DHX8: variants seen among roughly 807,000 people sequenced by gnomAD.
DHX8 encodes the protein ATP-dependent RNA helicase DHX8.
In DHX8, 67 loss-of-function variants were observed where a neutral mutation model predicts 140.7. The ratio of observed to expected loss-of-function variants is 0.48; its 90% CI spans 0.39 to 0.58. DHX8 has a LOEUF of 0.58. Among genes scored for constraint, DHX8 ranks in the 20% least tolerant of loss-of-function variants. The pLI is 0.00. For missense variants in DHX8, 887 were observed against 1,550.7 expected, an observed-to-expected ratio of 0.57 and a Z score of 7.19; for synonymous variants, 533 against 553.2, an observed-to-expected ratio of 0.96 and a Z score of 0.51.
At chr17:43,537,234 C>T (rs554762390) in intron 3 of DHX8, among the ~76,000 whole-genome samples, 4 of 151,890 alleles carry the variant, frequency 2.6e-5, no homozygotes, top group Admixed American at 6.6e-5. Context: ...GTCGTGTTGG[C>T]GGGAGCCTAT....
chr17:43,490,607 T>G lies in DHX8; in HGVS notation c.307+144T>G, dbSNP rs564552499. The G allele has an allele frequency of 1.2e-5, 8 of 678,756 alleles. No homozygotes were observed. In the African/African-American group the frequency reaches 1.5e-4, roughly 12 times the overall value. 42.0% of individuals were successfully genotyped at this position (678,756 alleles called of 1,614,324 possible). On this transcript the variant is annotated intron_variant, in intron 3 of 22. Coordinates refer to ENST00000262415, the MANE Select transcript of DHX8 (RefSeq NM_004941.3). ...TTTCAAATGGGCTGGGCCTAGCGGC[T>G]CACTGCTGGAATCCCAGCACTTTGG...
At chr17:43,530,112 G>GC, downstream of DHX8, 1 of 1,588,640 alleles carries the variant, frequency 6.3e-7, no homozygotes, top group Non-Finnish European at 8.6e-7. Context: ...CTTACCCATG[G>GC]CCCCGTCACC....
At chr17:43,485,476 A>T (rs755782767) in intron 1 of DHX8, among the ~76,000 whole-genome samples, 3 of 152,190 alleles carry the variant, frequency 2.0e-5, no homozygotes, top group Non-Finnish European at 4.4e-5. Flanking sequence ...CCTCCCAGCC[A>T]AGATGTGTCT....
Position 43,493,726 on chromosome 17 carries a change from G to A in DHX8, c.1052G>A (p.Arg351Gln), listed in dbSNP as rs759864291. 1 of 1,614,160 alleles carries A rather than the reference G, an allele frequency of 6.2e-7. No individual in the cohort carries two copies. Among genetic ancestry groups the A allele is most frequent in the Non-Finnish European group, 8.5e-7 (1 of 1,180,026 alleles). The change falls in exon 8 of 23, where the codon CGG becomes CAG. Residue 351 changes from arginine to glutamine, a missense_variant. Arg to Gln is a conservative substitution (Grantham distance 43). Around this residue, in one of 9 missense-constraint regions of DHX8, gnomAD observed 98 missense variants for 152.7 expected, o/e 0.64. Coordinates refer to ENST00000262415, the MANE Select transcript of DHX8 (RefSeq NM_004941.3). ...ETGEDLNPNRRRNLVGETNEE... is the reference protein window; with the variant it reads ...ETGEDLNPNRQRNLVGETNEE... ...GGAGAAGATCTAAACCCAAATAGAC[G>A]GCGAAATCTTGTCGGGGAGACCAAT...
intron 17 of DHX8, 132 bp from the exon 18 acceptor site, chr17:43,517,035 C>G: frequency 1.1e-6 from 1 of 950,812 alleles, no homozygotes; most frequent in African/African-American, 1.7e-5. Flanking sequence ...GGAAATGGTC[C>G]CAAAGGAAGT....
intron 6 of DHX8, 86 bp from the exon 7 acceptor site, chr17:43,493,359 T>C (rs1968650941): frequency 3.3e-6 from 5 of 1,537,584 alleles, no homozygotes; most frequent in East Asian, 4.5e-5. Flanking sequence ...AAGACCATTT[T>C]CTTTTGTTAG....
chr17:43,542,871 C>A (rs1971591384), intron 3 of DHX8, among the ~76,000 whole-genome samples: 2 of 152,100 alleles, frequency 1.3e-5, no homozygotes, highest in Admixed American at 1.3e-4. Context: ...GGGCTCTGGT[C>A]CCCTTTCCTC....
At chr17:43,493,406 T>G in intron 6 of DHX8, 39 bp from the exon 7 acceptor site, 1 of 1,598,118 alleles carries the variant, frequency 6.3e-7, no homozygotes, top group African/African-American at 1.3e-5. Flanking sequence ...GGGAAAAATA[T>G]TTTTTGGCAT....
At chr17:43,536,321 G>T in intron 2 of DHX8, 1 of 1,010,568 alleles carries the variant, frequency 9.9e-7, no homozygotes, top group Non-Finnish European at 1.5e-6. Flanking sequence ...AAACCCCACT[G>T]TGTTTTAGGA....
At chr17:43,490,193 G>A (rs1357839092) in intron 2 of DHX8, among the ~76,000 whole-genome samples, 198 bp from the exon 3 acceptor site, 1 of 152,178 alleles carries the variant, frequency 6.6e-6, no homozygotes. Context: ...TCCCCAAAGA[G>A]TCCTAAATAT....
chr17:43,536,499 G>A lies in DHX8; in HGVS notation c.*20+1G>A, dbSNP rs1567712316. On this transcript the variant is annotated splice_donor_variant, in intron 3 of 3. Transcript: ENST00000589898. LOFTEE classifies it low-confidence loss of function (3UTR_SPLICE). ...CCTGAGCTGCAGAGAGAAGTCAGAG[G>A]TGAGTTTGGGGCGGAGCCCTGGTTG... 1 of 1,613,898 alleles carries A rather than the reference G, an allele frequency of 6.2e-7. No homozygotes were observed. The highest frequency in any genetic ancestry group is 1.1e-5 in the South Asian group (1 of 91,076).
chr17:43,485,462 C>T (rs1459058340), intron 1 of DHX8, among the ~76,000 whole-genome samples: 1 of 152,120 alleles, frequency 6.6e-6, no homozygotes, highest in Non-Finnish European at 1.5e-5. Flanking sequence ...ACTTTTTTCT[C>T]TTGCCTCCCA....
Position 43,524,633 on chromosome 17 carries a change from C to T in DHX8, c.*786C>T, listed in dbSNP as rs1970541201. The T allele has an allele frequency of 3.0e-6, 3 of 985,500 alleles. No individual in the cohort carries two copies. Among genetic ancestry groups the T allele is most frequent in the Non-Finnish European group, 3.6e-6 (3 of 829,978 alleles). 61.0% of individuals were successfully genotyped at this position (985,500 alleles called of 1,614,324 possible). On this transcript the variant is annotated 3_prime_UTR_variant, in exon 23 of 23. Coordinates refer to ENST00000262415, the MANE Select transcript of DHX8 (RefSeq NM_004941.3). ...GGCACATATTAAATACAGAAGGTTT[C>T]CCCTTGCTCCCTCCACCTCCCACAT... is the stretch of plus-strand genomic sequence containing the variant.
Position 43,496,220 on chromosome 17 carries a change from G to T in DHX8, c.1252G>T (p.Asp418Tyr). The T allele has an allele frequency of 6.2e-7, 1 of 1,614,022 alleles. No individual in the cohort carries two copies. The highest frequency in any genetic ancestry group is 8.5e-7 in the Non-Finnish European group (1 of 1,179,942). ...ANVLSKEEFPDFDEETGILPK... is the reference protein window; with the variant it reads ...ANVLSKEEFPYFDEETGILPK... ...TGTCCTTTCCAAAGAAGAATTTCCA[G>T]ACTTTGATGAAGAGACTGGCATTCT... The change falls in exon 9 of 23, where the codon GAC becomes TAC. Residue 418 changes from aspartate to tyrosine, a missense_variant. Asp to Tyr is a radical substitution (Grantham distance 160). Transcript: ENST00000262415.
At chr17:43,526,732 C>T, downstream of DHX8, 1 of 1,397,624 alleles carries the variant, frequency 7.2e-7, no homozygotes, top group African/African-American at 1.4e-5. Context: ...GATTTTTACA[C>T]CTTCTTCCCA....
chr17:43,530,367 C>CT, downstream of DHX8: 1 of 1,452,104 alleles, frequency 6.9e-7, no homozygotes, highest in Non-Finnish European at 9.1e-7. Flanking sequence ...GAGTGTGATG[C>CT]TGGAACCCCT....
intron 1 of DHX8, among the ~76,000 whole-genome samples, chr17:43,486,511 T>A (rs1199013080): frequency 1.3e-5 from 2 of 152,088 alleles, no homozygotes; most frequent in East Asian, 1.9e-4. Context: ...TGAATTTTTT[T>A]AAACTATAAA....
rs560559663 is a variant in DHX8 at position 43,543,354 on chromosome 17, C to A, written c.*21-808C>A. 3.7e-3 allele frequency among the ~76,000 whole-genome samples: 555 copies of A among 151,662 alleles called. 13 individuals carry two copies. Among genetic ancestry groups the A allele is most frequent in the Admixed American group, 0.032 (481 of 15,234 alleles). ...CACAGACAGACATTTGTACCCTCTC[C>A]AGACCCCTGGCCAAGGGGTGGGACT... On this transcript the variant is annotated intron_variant, in intron 3 of 3. Transcript: ENST00000589898.
rs373815258 is a variant in DHX8 at position 43,507,616 on chromosome 17, C to T, written c.2037C>T (p.Tyr679=). The change falls in exon 14 of 23, where the codon TAC becomes TAT. Residue 679 remains tyrosine (Y), a synonymous_variant. Transcript: ENST00000262415. ...TGATTGACCCTGACCTCACTCAGTA[C>T]GCGATCATCATGTTGGACGAGGCAC... ...ECLIDPDLTQ[Y]AIIMLDEAHE... is the part of the protein sequence containing the mutation. 37 of 1,613,986 alleles carry T rather than the reference C, an allele frequency of 2.3e-5. 1 individual carries two copies. Among genetic ancestry groups the T allele is most frequent in the African/African-American group, 5.3e-5 (4 of 74,896 alleles).
Sources: gnomAD v4.1 joint callset for allele counts (sites outside exome capture counted in the v4.1 genomes callset) on GRCh38, gnomAD v4.1.1 for gene constraint, gnomAD v4.1.1 regional missense constraint, MANE v1.5 for transcripts, NCBI Gene and HGNC (gene_info 2026-07-23, HGNC 2026-07-21) for gene names.